ARID5B: variants seen among roughly 807,000 people sequenced by gnomAD.
ARID5B encodes AT-rich interaction domain 5B.
ARID5B carries 13 observed loss-of-function variants against 97.2 expected under a neutral mutation model. The observed-to-expected ratio is 0.13, with a 90% CI of 0.09 to 0.21. ARID5B has a LOEUF of 0.21. ARID5B is among the 10% of genes least tolerant of loss of function. The pLI is 1.00. For synonymous variants in ARID5B, 556 were observed against 570.3 expected, an observed-to-expected ratio of 0.97 and a Z score of 0.36; for missense variants, 1,210 against 1,465.3, an observed-to-expected ratio of 0.83 and a Z score of 2.84.
intron 4 of ARID5B, among the ~76,000 whole-genome samples, chr10:62,014,169 G>A (rs1187627249): frequency 2.0e-5 from 3 of 152,064 alleles, no homozygotes; most frequent in African/African-American, 7.2e-5. Flanking sequence ...AATTTTTTGA[G>A]GAACTTCCAT....
intron 4 of ARID5B, among the ~76,000 whole-genome samples, chr10:62,029,883 G>A (rs887586237): frequency 1.1e-4 from 17 of 152,168 alleles, no homozygotes; most frequent in African/African-American, 3.6e-4. Flanking sequence ...CTCCTTTAAC[G>A]ATGTGGGGGT....
At chr10:61,912,264 A>AT (rs764213517) in intron 2 of ARID5B, among the ~76,000 whole-genome samples, 3 of 152,290 alleles carry the variant, frequency 2.0e-5, no homozygotes, top group Non-Finnish European at 4.4e-5. Context: ...AAATGTGTAT[A>AT]TATAGGGTGT....
Position 62,091,052 on chromosome 10 carries a change from C to T in ARID5B, c.1589C>T (p.Ala530Val), listed in dbSNP as rs1322761667. Residue 530 changes from alanine to valine, a missense_variant, in exon 10 of 10, where the codon GCA (alanine) becomes GTA (valine). Ala to Val is a moderately conservative substitution (Grantham distance 64). Around this residue, in one of 8 missense-constraint regions of ARID5B, gnomAD observed 800 missense variants for 839.1 expected, o/e 0.95. Coordinates refer to ENST00000279873, the MANE Select transcript of ARID5B (RefSeq NM_032199.3). ...CAAGGTTCCAACAGTGAGAAGGTGG[C>T]AGAGGAGGCGGGAGAGAAGGGGCCC... is the stretch of plus-strand genomic sequence containing the variant. ...TDQGSNSEKV[A>V]EEAGEKGPTP... is the part of the protein sequence containing the mutation. 2 of 1,613,862 alleles carry T rather than the reference C, an allele frequency of 1.2e-6. No homozygotes were observed. Among genetic ancestry groups the T allele is most frequent in the Non-Finnish European group, 1.7e-6 (2 of 1,179,986 alleles).
chr10:61,997,526 A>T (rs866531353), intron 3 of ARID5B, among the ~76,000 whole-genome samples: 5 of 152,194 alleles, frequency 3.3e-5, no homozygotes, highest in African/African-American at 1.2e-4. Context: ...ATTTTTCTCC[A>T]TTTTATTTCA....
chr10:61,977,701 G>T (rs1220317930), intron 3 of ARID5B, among the ~76,000 whole-genome samples: 1 of 152,058 alleles, frequency 6.6e-6, no homozygotes, highest in Non-Finnish European at 1.5e-5. Context: ...TTTTTGATGG[G>T]GTTGTTTGTT....
chr10:62,089,537 T>C (rs1840339659), intron 9 of ARID5B, among the ~76,000 whole-genome samples: 2 of 149,236 alleles, frequency 1.3e-5, no homozygotes, highest in African/African-American at 4.9e-5. Context: ...TCTTTTTTTT[T>C]TTTTTTTTTG....
intron 4 of ARID5B, among the ~76,000 whole-genome samples, chr10:62,030,881 C>T (rs1839488560): frequency 6.6e-6 from 1 of 152,172 alleles, no homozygotes; most frequent in African/African-American, 2.4e-5. Context: ...GACCGATTTT[C>T]TGATATCAGT....
chr10:61,909,867 A>C (rs188532324), intron 2 of ARID5B, among the ~76,000 whole-genome samples: 42 of 152,346 alleles, frequency 2.8e-4, no homozygotes, highest in African/African-American at 9.4e-4. Context: ...CACTCACCAA[A>C]GAAACAAGCA....
chr10:61,921,926 C>T (rs1418651789), intron 2 of ARID5B, among the ~76,000 whole-genome samples: 2 of 152,212 alleles, frequency 1.3e-5, no homozygotes, highest in East Asian at 1.9e-4. Flanking sequence ...ACTGCAGCCT[C>T]GACCTCCCTG....
At chr10:62,070,629 A>T (rs1840051377) in intron 8 of ARID5B, among the ~76,000 whole-genome samples, 1 of 152,170 alleles carries the variant, frequency 6.6e-6, no homozygotes, top group South Asian at 2.1e-4. Flanking sequence ...TCTGTATTGC[A>T]TTTAACTCAG....
chr10:61,930,074 G>C (rs1446182553), intron 2 of ARID5B, among the ~76,000 whole-genome samples: 1 of 152,036 alleles, frequency 6.6e-6, no homozygotes, highest in Non-Finnish European at 1.5e-5. Flanking sequence ...GGGCTTTAGG[G>C]GTGAGCACTG....
At chr10:61,946,068 T>A in intron 3 of ARID5B, among the ~76,000 whole-genome samples, 1 of 148,264 alleles carries the variant, frequency 6.7e-6, no homozygotes. Context: ...TTTTATATAT[T>A]TATATATTAA....
chr10:62,024,142 A>T (rs1017890293), intron 4 of ARID5B, among the ~76,000 whole-genome samples: 2 of 152,200 alleles, frequency 1.3e-5, no homozygotes, highest in Non-Finnish European at 2.9e-5. Flanking sequence ...ATATTTAGGG[A>T]TAACTTATTA....
At chr10:62,072,762 C>T (rs943160002) in intron 8 of ARID5B, among the ~76,000 whole-genome samples, 31 of 152,246 alleles carry the variant, frequency 2.0e-4, no homozygotes, top group African/African-American at 7.5e-4. Context: ...GTGCCTCTCT[C>T]AATGTTCAAT....
At chr10:61,906,140 T>C (rs1161182537) in intron 2 of ARID5B, among the ~76,000 whole-genome samples, 1 of 152,172 alleles carries the variant, frequency 6.6e-6, no homozygotes, top group Non-Finnish European at 1.5e-5. Context: ...GAGCTTTATA[T>C]ACTATAAAGT....
At chr10:62,013,638 A>G (rs1051910609) in intron 4 of ARID5B, among the ~76,000 whole-genome samples, 1 of 151,970 alleles carries the variant, frequency 6.6e-6, no homozygotes, top group East Asian at 1.9e-4. Context: ...TAGGAATTCA[A>G]CATTTTTAGA....
At chr10:62,027,286 T>A (rs1173873024) in intron 4 of ARID5B, among the ~76,000 whole-genome samples, 2 of 6,058 alleles carry the variant, frequency 3.3e-4, no homozygotes, top group Admixed American at 2.0e-3. Flanking sequence ...CAGTATCTCC[T>A]TTTTTTTTTT....
rs979389026 is a variant in ARID5B, at chr10:62,094,537, T to C, written c.*1507T>C. ...TAACCACCTGGCAATACAGTCCACT[T>C]TCTGGTTTCTTTTATTGTGGGAAGT... On this transcript the variant is annotated 3_prime_UTR_variant, in exon 10 of 10. Transcript: ENST00000279873. 4.3e-6 allele frequency: 1 copy of C among 231,328 alleles called. No homozygotes were observed. Among genetic ancestry groups the C allele is most frequent in the Non-Finnish European group, 8.6e-6 (1 of 116,844 alleles). The allele number at this position is 231,328 out of a possible 1,614,324, so 14.3% of individuals were successfully genotyped here.
At chr10:62,005,837 G>A (rs1043511525) in intron 4 of ARID5B, among the ~76,000 whole-genome samples, 1 of 152,206 alleles carries the variant, frequency 6.6e-6, no homozygotes, top group Non-Finnish European at 1.5e-5. Flanking sequence ...TAAGGATCAT[G>A]GGAATTTGTA....
Sources: allele counts gnomAD v4.1 joint callset (sites outside exome capture counted in the v4.1 genomes callset), GRCh38; gene constraint gnomAD v4.1.1; regional missense constraint gnomAD v4.1.1; transcripts MANE v1.5; gene names NCBI Gene and HGNC (gene_info 2026-07-23, HGNC 2026-07-21).